RPH3A: variants seen among roughly 807,000 people sequenced by gnomAD.
RPH3A encodes the protein rabphilin-3A.
RPH3A carries 48 observed loss-of-function variants against 102.2 expected under a neutral mutation model. The observed-to-expected ratio is 0.47, with a 90% CI of 0.37 to 0.60. The LOEUF is 0.60. RPH3A is among the 20% of genes least tolerant of loss of function. The pLI is 0.00. For synonymous variants in RPH3A, 310 were observed against 324.3 expected, an observed-to-expected ratio of 0.96 and a Z score of 0.47; for missense variants, 781 against 910.1, an observed-to-expected ratio of 0.86 and a Z score of 1.83.
intron 1 of RPH3A, among the ~76,000 whole-genome samples, chr12:112,766,647 T>TGAGG (rs2040891304): frequency 6.6e-6 from 1 of 151,920 alleles, no homozygotes; most frequent in South Asian, 2.1e-4. Flanking sequence ...CATTAGGAGG[T>TGAGG]GAGGGAGCTG....
At chr12:112,896,560 C>G in intron 21 of RPH3A, 90 bp from the exon 22 acceptor site, 1 of 1,501,288 alleles carries the variant, frequency 6.7e-7, no homozygotes, top group Admixed American at 1.8e-5. Flanking sequence ...GGGGTCACTG[C>G]TTGGTGCAGT....
intron 1 of RPH3A, among the ~76,000 whole-genome samples, chr12:112,711,396 GA>G (rs972125102): frequency 6.8e-5 from 10 of 146,354 alleles, no homozygotes; most frequent in Non-Finnish European, 7.6e-5. Flanking sequence ...GCCTTGAGAA[GA>G]AAAAAAAAAG....
At chr12:112,647,762 G>T (rs1231798957) in intron 1 of RPH3A, among the ~76,000 whole-genome samples, 2 of 152,210 alleles carry the variant, frequency 1.3e-5, no homozygotes, top group Admixed American at 6.5e-5. Flanking sequence ...GGAACTGCAG[G>T]TGCAAAGGCC....
intron 16 of RPH3A, 44 bp downstream of exon 16, chr12:112,883,446 T>A: frequency 3.5e-6 from 5 of 1,437,370 alleles, no homozygotes; most frequent in Non-Finnish European, 4.9e-6. Flanking sequence ...AAGGGGAGAC[T>A]CGGGGTGGGT....
chr12:112,877,218 T>G (rs1267716286), intron 13 of RPH3A, among the ~76,000 whole-genome samples: 1 of 152,190 alleles, frequency 6.6e-6, no homozygotes, highest in East Asian at 1.9e-4. Flanking sequence ...ATTATATGAC[T>G]CAGCAATTTC....
chr12:112,787,278 G>C (rs1183006265), upstream of RPH3A, among the ~76,000 whole-genome samples: 1 of 152,184 alleles, frequency 6.6e-6, no homozygotes, highest in Non-Finnish European at 1.5e-5. Context: ...GACATCTTTT[G>C]GGGCCATTAT....
chr12:112,635,292 A>G (rs1010313536), intron 1 of RPH3A, among the ~76,000 whole-genome samples: 5 of 152,204 alleles, frequency 3.3e-5, no homozygotes, highest in African/African-American at 1.2e-4. Flanking sequence ...TGTACTAGGT[A>G]ATATCCTGGC....
chr12:112,885,314 C>T (rs760845954), intron 16 of RPH3A, among the ~76,000 whole-genome samples: 2 of 152,234 alleles, frequency 1.3e-5, no homozygotes, highest in Non-Finnish European at 2.9e-5. Flanking sequence ...TGCCAGTGTG[C>T]ACTCCTATCA....
chr12:112,589,809 G>T (rs1320986640), intron 1 of RPH3A, among the ~76,000 whole-genome samples: 1 of 152,204 alleles, frequency 6.6e-6, no homozygotes, highest in Non-Finnish European at 1.5e-5. Context: ...ATAGTAAATT[G>T]TGGTGGCTCA....
chr12:112,662,106 A>G (rs2040052800), intron 1 of RPH3A, among the ~76,000 whole-genome samples: 1 of 152,206 alleles, frequency 6.6e-6, no homozygotes, highest in Non-Finnish European at 1.5e-5. Context: ...TATTTACTCT[A>G]AAAGCATTGA....
chr12:112,879,644 T>C (rs1297090101), intron 14 of RPH3A, among the ~76,000 whole-genome samples: 1 of 152,164 alleles, frequency 6.6e-6, no homozygotes, highest in African/African-American at 2.4e-5. Flanking sequence ...GGGACACTAA[T>C]ATGGGCTTCC....
intron 1 of RPH3A, among the ~76,000 whole-genome samples, chr12:112,671,204 A>G (rs2040126917): frequency 6.6e-6 from 1 of 152,184 alleles, no homozygotes. Flanking sequence ...TATTAATTAG[A>G]TACAGATTTG....
intron 1 of RPH3A, among the ~76,000 whole-genome samples, chr12:112,674,867 A>C (rs1296463421): frequency 6.6e-6 from 1 of 152,224 alleles, no homozygotes; most frequent in Non-Finnish European, 1.5e-5. Context: ...AAAAAAATCC[A>C]CATTCTCTCT....
intron 4 of RPH3A, 63 bp from the exon 5 acceptor site, chr12:112,847,633 C>G: frequency 6.4e-7 from 1 of 1,553,510 alleles, no homozygotes; most frequent in Non-Finnish European, 8.8e-7. Flanking sequence ...CAGTGAGTTT[C>G]CCGGCAGGAA....
At chr12:112,712,898 TTCTTCC>T (rs1275105089) in intron 1 of RPH3A, among the ~76,000 whole-genome samples, 36 of 130,684 alleles carry the variant, frequency 2.8e-4, no homozygotes, top group African/African-American at 1.1e-3. Context: ...CTTCTTCTTC[TTCTTCC>T]TCTTCTTCTT....
chr12:112,669,917 C>T (rs1566251077), intron 1 of RPH3A, among the ~76,000 whole-genome samples: 1 of 152,090 alleles, frequency 6.6e-6, no homozygotes, highest in Non-Finnish European at 1.5e-5. Context: ...GATATTATAG[C>T]ATAATTTATT....
intron 1 of RPH3A, among the ~76,000 whole-genome samples, chr12:112,723,222 A>G (rs182826432): frequency 2.1e-3 from 321 of 152,320 alleles, no homozygotes; most frequent in Middle Eastern, 3.4e-3. Flanking sequence ...CCCAAAACTT[A>G]ACTACTAATA....
rs551410048 is a variant in RPH3A at position 112,688,043 on chromosome 12, A to G, written c.-139-104100A>G. On this transcript the variant is annotated intron_variant, in intron 1 of 21. Coordinates refer to the RPH3A transcript ENST00000543106. The stretch of plus-strand genomic sequence containing the variant: ...GTCTTATTCAGTGTCATTTCTGATC[A>G]CCTTGATATAAAATATTTAGCAGGA... Among the ~76,000 whole-genome samples, 117 of 152,322 alleles carry G rather than the reference A, an allele frequency of 7.7e-4. 1 individual carries two copies. The highest frequency in any genetic ancestry group is 2.6e-3 in the African/African-American group (110 of 41,570).
At chr12:112,859,543 T>C (rs1256494322) in intron 5 of RPH3A, among the ~76,000 whole-genome samples, 2 of 152,176 alleles carry the variant, frequency 1.3e-5, no homozygotes, top group African/African-American at 4.8e-5. Flanking sequence ...GATGTATATA[T>C]ACATATTTGA....
Sources: gnomAD v4.1 joint callset for allele counts (sites outside exome capture counted in the v4.1 genomes callset) on GRCh38, gnomAD v4.1.1 for gene constraint, MANE v1.5 for transcripts, NCBI Gene and HGNC (gene_info 2026-07-23, HGNC 2026-07-21) for gene names.